The following ANKH variants were observed in gnomAD, a reference collection of about 807,000 sequenced individuals.
ANKH encodes the protein ANKH inorganic pyrophosphate transport regulator, also known as mineralization regulator ANKH.
In ANKH, 15 loss-of-function variants were observed where a neutral mutation model predicts 49.0. That is an observed-to-expected ratio of 0.31 (90% CI 0.20 to 0.47). The LOEUF (loss-of-function observed/expected upper bound fraction) is 0.47. Ranked by LOEUF, ANKH falls within the 20% of genes least tolerant of loss-of-function variation. The pLI is 1.00. For missense variants in ANKH, 429 were observed against 652.0 expected, an observed-to-expected ratio of 0.66 and a Z score of 3.72; for synonymous variants, 273 against 260.0, an observed-to-expected ratio of 1.05 and a Z score of -0.48.
At chr5:14,803,581 C>T (rs528411688) in intron 1 of ANKH, among the ~76,000 whole-genome samples, 4 of 151,900 alleles carry the variant, frequency 2.6e-5, no homozygotes, top group East Asian at 2.0e-4. Context: ...TGCCCAGCTG[C>T]TATCTCTTTT....
At position 14,755,942 on chromosome 5, in the gene ANKH, T is replaced by G; in HGVS notation, c.435A>C (p.Ala145=). Residue 145 remains alanine, a splice_region_variant and synonymous_variant, in exon 4 of 12, where the codon GCA becomes GCC. Coordinates refer to ENST00000284268, the MANE Select transcript of ANKH (RefSeq NM_054027.6). ...LAAFPFMDAM[A]WTHAGILLKH... The stretch of plus-strand genomic sequence containing the variant: ...TTAAGAGAATGCCAGCATGGGTCCA[T>G]GCCTGCCAGAAAGAAAAGAATTTGG... 1 of 1,613,948 alleles carries G rather than the reference T, an allele frequency of 6.2e-7. No individual in the cohort carries two copies. The highest frequency in any genetic ancestry group is 8.5e-7 in the Non-Finnish European group (1 of 1,179,822).
chr5:14,756,839 T>A (rs1269183323), intron 3 of ANKH, among the ~76,000 whole-genome samples: 1 of 152,192 alleles, frequency 6.6e-6, no homozygotes, highest in Non-Finnish European at 1.5e-5. Flanking sequence ...TGTTCATTAT[T>A]TTCATTTTTA....
chr5:14,831,500 T>C (rs771239697), intron 1 of ANKH, among the ~76,000 whole-genome samples: 8 of 152,138 alleles, frequency 5.3e-5, no homozygotes, highest in Non-Finnish European at 1.2e-4. Context: ...ACTGATATCA[T>C]CCACAGTTCC....
intron 1 of ANKH, among the ~76,000 whole-genome samples, chr5:14,789,972 A>G (rs764730846): frequency 1.4e-4 from 21 of 152,152 alleles, no homozygotes; most frequent in Non-Finnish European, 2.2e-4. Context: ...GGCCTCCCAA[A>G]GTGCTGGGAT....
At chr5:14,814,095 C>T (rs1455470705) in intron 1 of ANKH, among the ~76,000 whole-genome samples, 1 of 152,234 alleles carries the variant, frequency 6.6e-6, no homozygotes, top group African/African-American at 2.4e-5. Flanking sequence ...AGACAGCGTT[C>T]CATCTCACAC....
chr5:14,858,609 G>A (rs564671319), intron 1 of ANKH, among the ~76,000 whole-genome samples: 11 of 152,024 alleles, frequency 7.2e-5, no homozygotes, highest in Admixed American at 4.6e-4. Flanking sequence ...CCAGCTACTC[G>A]GGAGGCTGAG....
intron 1 of ANKH, among the ~76,000 whole-genome samples, chr5:14,851,118 G>A (rs1052038413): frequency 2.7e-4 from 41 of 152,132 alleles, no homozygotes; most frequent in Non-Finnish European, 1.2e-4. Context: ...ATGCTGCCAG[G>A]AAGCCTCACT....
chr5:14,762,415 C>G (rs1739116267), intron 2 of ANKH, among the ~76,000 whole-genome samples: 1 of 152,060 alleles, frequency 6.6e-6, no homozygotes, highest in African/African-American at 2.4e-5. Context: ...CTTGTCCTAG[C>G]TCCCTTGGTT....
intron 11 of ANKH, among the ~76,000 whole-genome samples, chr5:14,711,583 C>G (rs1467088886): frequency 6.6e-6 from 1 of 152,230 alleles, no homozygotes; most frequent in Non-Finnish European, 1.5e-5. Flanking sequence ...CAACCCGCTC[C>G]CTGCTGCCCT....
At chr5:14,788,630 G>A (rs75465352) in intron 1 of ANKH, among the ~76,000 whole-genome samples, 61 of 152,266 alleles carry the variant, frequency 4.0e-4, no homozygotes, top group African/African-American at 1.4e-3. Context: ...AGGCACTTTC[G>A]TATGACAAGT....
chr5:14,854,196 G>A (rs953269272), intron 1 of ANKH, among the ~76,000 whole-genome samples: 1 of 152,144 alleles, frequency 6.6e-6, no homozygotes, highest in Non-Finnish European at 1.5e-5. Flanking sequence ...ATGAACTGTA[G>A]TACGGCTCCC....
At chr5:14,866,404 T>C (rs1735647246) in intron 1 of ANKH, among the ~76,000 whole-genome samples, 1 of 152,206 alleles carries the variant, frequency 6.6e-6, no homozygotes, top group Admixed American at 6.5e-5. Context: ...TCCTTCAAGG[T>C]CTTCACAGCA....
chr5:14,841,077 T>A (rs1741801838), intron 1 of ANKH, among the ~76,000 whole-genome samples: 1 of 152,090 alleles, frequency 6.6e-6, no homozygotes, highest in Non-Finnish European at 1.5e-5. Flanking sequence ...ATACTAATTG[T>A]CACTACTGAG....
At chr5:14,711,921 A>G (rs58936946) in intron 11 of ANKH, among the ~76,000 whole-genome samples, 13,315 of 152,280 alleles carry the variant, frequency 0.087, 579 homozygotes, top group African/African-American at 0.11. Context: ...CAACAGGCCA[A>G]GGCAAGGACA....
chr5:14,760,852 G>A (rs1483761774), intron 2 of ANKH, among the ~76,000 whole-genome samples: 1 of 152,204 alleles, frequency 6.6e-6, no homozygotes, highest in Non-Finnish European at 1.5e-5. Flanking sequence ...TTGGTGAAAG[G>A]GCAGTGTTGT....
At chr5:14,760,696 G>C (rs970481042) in intron 2 of ANKH, among the ~76,000 whole-genome samples, 15 of 152,222 alleles carry the variant, frequency 9.9e-5, no homozygotes, top group African/African-American at 3.4e-4. Context: ...CAGGCGAGTA[G>C]AGCAACGAAC....
chr5:14,794,849 T>A (rs1171967954), intron 1 of ANKH, among the ~76,000 whole-genome samples: 1 of 152,232 alleles, frequency 6.6e-6, no homozygotes, highest in South Asian at 2.1e-4. Flanking sequence ...TTTGAAGAAA[T>A]ATATACGGCA....
intron 1 of ANKH, among the ~76,000 whole-genome samples, chr5:14,806,511 A>G (rs1740713969): frequency 6.6e-6 from 1 of 151,230 alleles, no homozygotes; most frequent in African/African-American, 2.4e-5. Flanking sequence ...CCCCATTCAC[A>G]CTACAAACCC....
chr5:14,716,592 C>G, intron 9 of ANKH, 114 bp downstream of exon 9: 1 of 1,439,850 alleles, frequency 6.9e-7, no homozygotes, highest in Non-Finnish European at 9.6e-7. Context: ...TCTTTCTAAG[C>G]CACAGTGAAA....
Sources: gnomAD v4.1 joint callset for allele counts (sites outside exome capture counted in the v4.1 genomes callset) on GRCh38, gnomAD v4.1.1 for gene constraint, MANE v1.5 for transcripts, NCBI Gene and HGNC (gene_info 2026-07-23, HGNC 2026-07-21) for gene names.